Variants in SH3RF2 observed in about 807,000 individuals in gnomAD.
The protein encoded by SH3RF2 is SH3 domain containing ring finger 2.
SH3RF2 carries 43 observed loss-of-function variants against 59.0 expected under a neutral mutation model. The ratio of observed to expected loss-of-function variants is 0.73; its 90% CI spans 0.57 to 0.94. SH3RF2 has a LOEUF of 0.94. Among genes scored for constraint, SH3RF2 ranks in the 40% least tolerant of loss-of-function variants. SH3RF2 has a pLI of 0.00. For synonymous variants in SH3RF2, 391 were observed against 391.5 expected, an observed-to-expected ratio of 1.00 and a Z score of 0.01; for missense variants, 930 against 940.1, an observed-to-expected ratio of 0.99 and a Z score of 0.14.
intron 2 of SH3RF2, among the ~76,000 whole-genome samples, chr5:145,958,257 C>G (rs747425603): frequency 1.3e-5 from 2 of 152,216 alleles, no homozygotes; most frequent in Non-Finnish European, 2.9e-5. Flanking sequence ...TGGTTGTTCT[C>G]AAGACTAGGC....
chr5:145,967,993 T>G (rs1383011863), intron 2 of SH3RF2, among the ~76,000 whole-genome samples: 1 of 148,418 alleles, frequency 6.7e-6, no homozygotes, highest in Non-Finnish European at 1.5e-5. Context: ...AAAGATCTCT[T>G]AACTTTGCTT....
intron 2 of SH3RF2, among the ~76,000 whole-genome samples, chr5:145,950,287 A>G (rs1197478813): frequency 6.6e-6 from 1 of 152,200 alleles, no homozygotes; most frequent in African/African-American, 2.4e-5. Flanking sequence ...GGTTCTAACC[A>G]AGGTGACAAA....
rs533462472 is a variant in SH3RF2, at chr5:146,031,036, C to G, written c.1060-16736C>G. Among the ~76,000 whole-genome samples, 6 of 152,282 alleles carry G rather than the reference C, an allele frequency of 3.9e-5. No individual in the cohort carries two copies. In the East Asian group the frequency reaches 9.6e-4, roughly 24 times the overall value. Reference sequence around the variant, plus strand: ...GCCTCTTCCTTTAAAAAGCAAACACCCTCCTCTGGTCTAGCCACTTCTGAG... The same window carrying G: ...GCCTCTTCCTTTAAAAAGCAAACACGCTCCTCTGGTCTAGCCACTTCTGAG... On this transcript the variant is annotated intron_variant, in intron 5 of 9. Coordinates refer to ENST00000359120, the MANE Select transcript of SH3RF2 (RefSeq NM_152550.4).
chr5:145,965,791 G>T (rs1758835465), intron 2 of SH3RF2, among the ~76,000 whole-genome samples: 1 of 152,208 alleles, frequency 6.6e-6, no homozygotes, highest in Non-Finnish European at 1.5e-5. Flanking sequence ...TCATCAGAGA[G>T]ATGTTAAGAA....
At chr5:145,988,603 G>A (rs1269616919) in intron 2 of SH3RF2, among the ~76,000 whole-genome samples, 2 of 151,942 alleles carry the variant, frequency 1.3e-5, no homozygotes, top group Admixed American at 1.3e-4. Flanking sequence ...CTTAACTATT[G>A]CATCCTAGTA....
chr5:145,960,855 TG>T (rs1758604870), intron 2 of SH3RF2, among the ~76,000 whole-genome samples: 1 of 152,174 alleles, frequency 6.6e-6, no homozygotes, highest in Non-Finnish European at 1.5e-5. Context: ...GGGTCAAAAC[TG>T]GGATCAAAAA....
intron 2 of SH3RF2, among the ~76,000 whole-genome samples, chr5:145,946,054 G>A (rs1757995621): frequency 6.6e-6 from 1 of 152,190 alleles, no homozygotes; most frequent in African/African-American, 2.4e-5. Flanking sequence ...ACATGAGCAG[G>A]GAAAGATAAA....
intron 8 of SH3RF2, among the ~76,000 whole-genome samples, chr5:146,056,723 G>A (rs925259290): frequency 2.0e-5 from 3 of 152,146 alleles, no homozygotes; most frequent in African/African-American, 4.8e-5. Context: ...TACAGTATAC[G>A]AACTGGACAA....
rs1285605585 is a variant in SH3RF2 at position 145,938,199 on chromosome 5, C to G, written c.271C>G (p.Pro91Ala). The G allele has an allele frequency of 3.1e-6, 5 of 1,613,614 alleles. No homozygotes were observed. Among genetic ancestry groups the G allele is most frequent in the Admixed American group, 3.3e-5 (2 of 60,006 alleles). The change falls in exon 2 of 10, where the codon CCT (proline) becomes GCT (alanine). Residue 91 changes from proline to alanine, a missense_variant. Physicochemically the swap from Pro to Ala is conservative, Grantham distance 27. Transcript: ENST00000359120. ...CGGGAGAGGGGGCTCCTTCCGCAGG[C>G]CTGGCACGATGACCTTGCAGGATGG... ...SSGRGGSFRR[P>A]GTMTLQDGRK...
intron 7 of SH3RF2, 41 bp downstream of exon 7, chr5:146,049,286 C>T (rs1327700225): frequency 1.9e-6 from 3 of 1,564,540 alleles, no homozygotes; most frequent in African/African-American, 1.4e-5. Flanking sequence ...GGTTGGGCCA[C>T]CCTAGGCCAG....
chr5:146,013,811 A>T lies in SH3RF2; in HGVS notation c.809A>T (p.Asn270Ile), dbSNP rs1761001680. ...GGTCGCCAGTCATCCCGCACAAAAA[A>T]CCTGTCCCTGGTGTCCTCGTCCTCC... Reference protein sequence around the residue: ...NKGRQSSRTKNLSLVSSSSRG... With the variant: ...NKGRQSSRTKILSLVSSSSRG... Residue 270 changes from asparagine (N) to isoleucine (I), a missense_variant, in exon 5 of 10, where the codon AAC becomes ATC. Transcript: ENST00000359120. 3.1e-6 allele frequency: 5 copies of T among 1,614,092 alleles called. No homozygotes were observed. The highest frequency in any genetic ancestry group is 3.4e-6 in the Non-Finnish European group (4 of 1,180,006).
At chr5:145,968,478 A>G (rs1026429006) in intron 2 of SH3RF2, among the ~76,000 whole-genome samples, 2 of 152,216 alleles carry the variant, frequency 1.3e-5, no homozygotes, top group South Asian at 2.1e-4. Flanking sequence ...AATTATGTCT[A>G]TATGTGTTTG....
intron 5 of SH3RF2, among the ~76,000 whole-genome samples, chr5:146,035,966 G>A (rs1761924214): frequency 6.6e-6 from 1 of 152,214 alleles, no homozygotes; most frequent in Non-Finnish European, 1.5e-5. Flanking sequence ...AGCATCTTCT[G>A]TGAGTAAATG....
intron 9 of SH3RF2, among the ~76,000 whole-genome samples, chr5:146,062,146 G>A (rs1314604190): frequency 3.9e-5 from 6 of 152,002 alleles, no homozygotes; most frequent in Admixed American, 6.6e-5. Context: ...TATAGGCGGC[G>A]GCCTACCCTA....
At chr5:146,024,223 C>T (rs1761442173) in intron 5 of SH3RF2, among the ~76,000 whole-genome samples, 1 of 152,176 alleles carries the variant, frequency 6.6e-6, no homozygotes, top group Non-Finnish European at 1.5e-5. Flanking sequence ...GCAATTTCCC[C>T]ACATCTTCGC....
At chr5:145,985,686 A>G (rs1759671463) in intron 2 of SH3RF2, among the ~76,000 whole-genome samples, 2 of 152,168 alleles carry the variant, frequency 1.3e-5, no homozygotes, top group South Asian at 4.1e-4. Flanking sequence ...GATGTATTTT[A>G]AAGATACTTC....
In SH3RF2 at chr5:146,062,503, G is replaced by T; in HGVS notation, c.1992G>T (p.Lys664Asn). ...KHYTSHPTSG[K>N]PEQPATLKAS... ...ACACCTCCCATCCCACCTCCGGAAA[G>T]CCTGAACAGCCAGCCACCCTCAAGG... Residue 664 changes from lysine (K) to asparagine (N), a missense_variant, in exon 10 of 10, where the codon AAG becomes AAT. Coordinates refer to ENST00000359120, the MANE Select transcript of SH3RF2 (RefSeq NM_152550.4). 1 of 1,614,142 alleles carries T rather than the reference G, an allele frequency of 6.2e-7. No homozygotes were observed. Among genetic ancestry groups the T allele is most frequent in the Non-Finnish European group, 8.5e-7 (1 of 1,180,030 alleles).
chr5:146,028,209 CAG>C lies in SH3RF2; in HGVS notation c.1059+14152_1059+14153del, dbSNP rs1554117631. On this transcript the variant is annotated intron_variant, in intron 5 of 9. Transcript: ENST00000359120. ...ACACACACACACACACACACACACA[CAG>C]AGATAATTCAACAAGAAAGGAAGAC... Among the ~76,000 whole-genome samples the C allele has an allele frequency of 8.6e-3, 1,114 of 129,060 alleles. 14 individuals are homozygous for C. The highest frequency in any genetic ancestry group is 0.014 in the Middle Eastern group (3 of 214). The allele number at this position is 129,060 out of a possible 152,430, so 84.7% of individuals were successfully genotyped here. A position where few individuals can be genotyped will look rare whatever the true frequency, so the allele number is the denominator to read the frequency against.
chr5:146,033,266 TATCTCA>T (rs1761802396), intron 5 of SH3RF2, among the ~76,000 whole-genome samples: 1 of 152,152 alleles, frequency 6.6e-6, no homozygotes, highest in African/African-American at 2.4e-5. Context: ...TTTCCCATCT[TATCTCA>T]GTGAGATTAC....
Sources: gnomAD v4.1 joint callset for allele counts (sites outside exome capture counted in the v4.1 genomes callset) on GRCh38, gnomAD v4.1.1 for gene constraint, MANE v1.5 for transcripts, NCBI Gene and HGNC (gene_info 2026-07-23, HGNC 2026-07-21) for gene names.